INPP5A: variants seen among roughly 807,000 people sequenced by gnomAD.
The protein encoded by INPP5A is inositol polyphosphate-5-phosphatase A, also known as 43 kDa inositol polyphosphate 5-phophatase.
Under a neutral mutation model 65.2 loss-of-function variants are expected in INPP5A, and 14 were observed. That is an observed-to-expected ratio of 0.21 (90% CI 0.14 to 0.34). The LOEUF is 0.34. Among genes scored for constraint, INPP5A ranks in the 10% least tolerant of loss-of-function variants. The pLI is 1.00. For synonymous variants in INPP5A, 207 were observed against 208.3 expected (o/e 0.99, Z 0.05); for missense variants, 431 against 545.6 (o/e 0.79, Z 2.09).
intron 1 of INPP5A, among the ~76,000 whole-genome samples, chr10:132,605,711 G>A (rs117599746): frequency 0.015 from 2,307 of 152,054 alleles, 33 homozygotes; most frequent in South Asian, 0.039. Context: ...CACCGTGGCC[G>A]TCACAGTGGC....
chr10:132,714,309 T>C lies in INPP5A; in HGVS notation c.647+3853T>C, dbSNP rs569381545. Among the ~76,000 whole-genome samples, 520 of 152,288 alleles carry C rather than the reference T, an allele frequency of 3.4e-3. 2 individuals carry two copies. Among genetic ancestry groups the C allele is most frequent in the African/African-American group, 0.012 (492 of 41,554 alleles). On this transcript the variant is annotated intron_variant, in intron 8 of 15. Coordinates refer to ENST00000368594, the MANE Select transcript of INPP5A (RefSeq NM_005539.5). ...CGGGCCGCGCAACACAAAGGGCGGC[T>C]CTGTCGGAGTCTGGAACAATGGGTC...
At chr10:132,606,492 T>A (rs2071854297) in intron 1 of INPP5A, among the ~76,000 whole-genome samples, 1 of 152,092 alleles carries the variant, frequency 6.6e-6, no homozygotes, top group African/African-American at 2.4e-5. Flanking sequence ...TGTGCTGGGG[T>A]TGTGTGTCCT....
intron 2 of INPP5A, among the ~76,000 whole-genome samples, chr10:132,613,019 A>AGGC (rs2071980431): frequency 6.6e-6 from 1 of 152,172 alleles, no homozygotes; most frequent in African/African-American, 2.4e-5. Context: ...CTTGGGGAGC[A>AGGC]GGCGGCAAGA....
intron 8 of INPP5A, among the ~76,000 whole-genome samples, chr10:132,720,802 G>C (rs1341069724): frequency 3.3e-5 from 5 of 149,678 alleles, no homozygotes; most frequent in African/African-American, 7.5e-5. Flanking sequence ...GGGCGCCTTA[G>C]ATGGCTGTCT....
At chr10:132,645,655 G>C (rs2072483957) in intron 2 of INPP5A, among the ~76,000 whole-genome samples, 1 of 152,202 alleles carries the variant, frequency 6.6e-6, no homozygotes, top group African/African-American at 2.4e-5. Context: ...TACAGTAATG[G>C]GAAAATGAAA....
intron 2 of INPP5A, among the ~76,000 whole-genome samples, chr10:132,642,101 C>T (rs1010293190): frequency 6.6e-6 from 1 of 152,126 alleles, no homozygotes; most frequent in Non-Finnish European, 1.5e-5. Flanking sequence ...GGGAGTCCAG[C>T]GGGAAGGGGC....
At chr10:132,600,631 A>G (rs949101665) in intron 1 of INPP5A, among the ~76,000 whole-genome samples, 1 of 152,100 alleles carries the variant, frequency 6.6e-6, no homozygotes, top group African/African-American at 2.4e-5. Context: ...CCTGGTACCA[A>G]TTTACCGTAT....
At position 132,674,912 on chromosome 10, in the gene INPP5A, A is replaced by AT. The variant is rs2072943169; in HGVS notation, c.307-15480_307-15479insT. On this transcript the variant is annotated intron_variant, in intron 4 of 15. Transcript: ENST00000368594. This position sits in a 1 kb window ranked among gnomAD's most constrained non-coding sequence, Gnocchi z 4.4. ...CCTCCGCTGTGATTCACCTATGGGG[A>AT]CCTGCCAAAGGCTCCAAACAGCATC... Among the ~76,000 whole-genome samples the AT allele has an allele frequency of 1.3e-5, 2 of 152,156 alleles. No homozygotes were observed. Among genetic ancestry groups the AT allele is most frequent in the Non-Finnish European group, 2.9e-5 (2 of 68,034 alleles).
intron 12 of INPP5A, among the ~76,000 whole-genome samples, chr10:132,770,773 C>T (rs1846934588): frequency 6.6e-6 from 1 of 152,236 alleles, no homozygotes; most frequent in Non-Finnish European, 1.5e-5. Flanking sequence ...CTCCTTCCGC[C>T]AGGGCGTGAT....
At chr10:132,695,184 G>A (rs1845326329) in intron 5 of INPP5A, among the ~76,000 whole-genome samples, 1 of 152,020 alleles carries the variant, frequency 6.6e-6, no homozygotes, top group African/African-American at 2.4e-5. Flanking sequence ...ATAGAGGCTG[G>A]TTCAGCATTT....
intron 1 of INPP5A, among the ~76,000 whole-genome samples, chr10:132,541,601 C>T (rs986874804): frequency 1.3e-5 from 2 of 152,198 alleles, no homozygotes; most frequent in Non-Finnish European, 2.9e-5. Flanking sequence ...ATATTGGGAG[C>T]TGAGACTGCA....
At chr10:132,690,318 T>C in intron 4 of INPP5A, 74 bp from the exon 5 acceptor site, 1 of 1,014,670 alleles carries the variant, frequency 9.9e-7, no homozygotes, top group Non-Finnish European at 1.5e-6. Flanking sequence ...AAGAGCTTCT[T>C]TTATTGTTAA....
At chr10:132,606,217 C>T (rs904380238) in intron 1 of INPP5A, among the ~76,000 whole-genome samples, 2 of 152,132 alleles carry the variant, frequency 1.3e-5, no homozygotes, top group Admixed American at 6.5e-5. Context: ...AGGCTGTCCA[C>T]GTGGGCTGAG....
At chr10:132,780,638 G>A (rs558822531) in intron 13 of INPP5A, among the ~76,000 whole-genome samples, 2 of 152,388 alleles carry the variant, frequency 1.3e-5, no homozygotes, top group East Asian at 3.9e-4. Flanking sequence ...GTGCTGAGGC[G>A]CTGCCACATC....
At chr10:132,609,379 G>A (rs571554219) in intron 2 of INPP5A, among the ~76,000 whole-genome samples, 138 of 152,236 alleles carry the variant, frequency 9.1e-4, no homozygotes, top group African/African-American at 3.1e-3. Flanking sequence ...ACCGCACGTC[G>A]GGGGCCAGTG....
chr10:132,706,797 G>A lies in INPP5A; in HGVS notation c.475-1516G>A, dbSNP rs976373204. ...TGGAGGGAGACAGGGAGAAGGAGAC[G>A]GGGCTGCAGGGGCCACTGTGCTGGA... On this transcript the variant is annotated intron_variant, in intron 6 of 15. Transcript: ENST00000368594. The surrounding 1 kb of genome is among the most constrained non-coding windows in gnomAD (Gnocchi z 4.7). Among the ~76,000 whole-genome samples, 5 of 152,146 alleles carry A rather than the reference G, an allele frequency of 3.3e-5. No homozygotes were observed. Among genetic ancestry groups the A allele is most frequent in the Admixed American group, 2.6e-4 (4 of 15,276 alleles).
rs539247357 is a variant in INPP5A, at chr10:132,767,635, T to C, written c.977+1789T>C. ...TTCCTGGAGGGCTCCCCCATCCCGC[T>C]TGGATCTGAAGTCTGACTGCTAGAC... On this transcript the variant is annotated intron_variant, in intron 12 of 15. Transcript: ENST00000368594. 3.3e-5 allele frequency among the ~76,000 whole-genome samples: 5 copies of C among 152,304 alleles called. No individual in the cohort carries two copies. In the East Asian group the frequency reaches 9.6e-4, roughly 29 times the overall value.
At chr10:132,688,491 C>T (rs1331615571) in intron 4 of INPP5A, among the ~76,000 whole-genome samples, 3 of 152,248 alleles carry the variant, frequency 2.0e-5, no homozygotes, top group Non-Finnish European at 4.4e-5. Flanking sequence ...AATAGCTCTG[C>T]AGCCCCGTAG....
chr10:132,695,163 T>A (rs990499662), intron 5 of INPP5A, among the ~76,000 whole-genome samples: 2 of 151,986 alleles, frequency 1.3e-5, no homozygotes, highest in Non-Finnish European at 2.9e-5. Context: ...CAACCGAGAT[T>A]TACTCCTGGT....
Sources: gnomAD v4.1 joint callset for allele counts (sites outside exome capture counted in the v4.1 genomes callset) on GRCh38, gnomAD v4.1.1 for gene constraint, Gnocchi (gnomAD v3.1) non-coding constraint, MANE v1.5 for transcripts, NCBI Gene and HGNC (gene_info 2026-07-23, HGNC 2026-07-21) for gene names.